ADAMTS10: variants seen among roughly 807,000 people sequenced by gnomAD.
ADAMTS10 encodes the protein A disintegrin and metalloproteinase with thrombospondin motifs 10.
In ADAMTS10, 48 loss-of-function variants were observed where a neutral mutation model predicts 135.9. The ratio of observed to expected loss-of-function variants is 0.35; its 90% confidence interval spans 0.28 to 0.45. The LOEUF (loss-of-function observed/expected upper bound fraction) is 0.45, where lower values mean the gene tolerates loss of function less well. Among genes scored for constraint, ADAMTS10 ranks in the 20% least tolerant of loss-of-function variants. ADAMTS10 has a pLI of 1.00. For synonymous variants in ADAMTS10, 621 were observed against 647.5 expected, an observed-to-expected ratio of 0.96 and a Z score of 0.62; for missense variants, 1,131 against 1,565.2, an observed-to-expected ratio of 0.72 and a Z score of 4.68.
At chr19:8,585,097 C>T in intron 24 of ADAMTS10, 35 bp downstream of exon 24, 1 of 1,489,496 alleles carries the variant, frequency 6.7e-7, no homozygotes, top group East Asian at 2.6e-5. Flanking sequence ...CAGCCCCTGC[C>T]CTGGCCCCCA....
Position 8,595,852 on chromosome 19 carries a change from C to T in ADAMTS10, c.1389G>A (p.Val463=). 6.2e-7 allele frequency: 1 copy of T among 1,614,222 alleles called. No individual in the cohort carries two copies. Among genetic ancestry groups the T allele is most frequent in the Non-Finnish European group, 8.5e-7 (1 of 1,180,044 alleles). ...LNNRPPRQDF[V]YPTVAPGQAY... Reference sequence around the variant, plus strand: ...CTTGGCCCGGTGCCACTGTCGGGTACACAAAGTCCTGTCTGGGGGGCCGGT... The same window carrying T: ...CTTGGCCCGGTGCCACTGTCGGGTATACAAAGTCCTGTCTGGGGGGCCGGT... The change falls in exon 12 of 26, where the codon GTG becomes GTA. Residue 463 remains valine (V), a synonymous_variant. Coordinates refer to ENST00000597188, the MANE Select transcript of ADAMTS10 (RefSeq NM_030957.4).
Position 8,592,762 on chromosome 19 carries a change from C to T in ADAMTS10, c.1587+1G>A. ...AGTTGGGGGCCCTGGCCGGCGCTCA[C>T]CCCCTTGTCGATGGTGTGCGTCTGG... On this transcript the variant is annotated splice_donor_variant, in intron 13 of 25. Transcript: ENST00000597188. LOFTEE classifies it high-confidence loss of function. The T allele has an allele frequency of 6.2e-7, 1 of 1,610,674 alleles. No homozygotes were observed. Among genetic ancestry groups the T allele is most frequent in the Non-Finnish European group, 8.5e-7 (1 of 1,179,630 alleles).
In ADAMTS10 at chr19:8,596,019, C is replaced by T; in HGVS notation, c.1337+54G>A. 6.2e-7 allele frequency: 1 copy of T among 1,613,904 alleles called. No homozygotes were observed. The highest frequency in any genetic ancestry group is 1.7e-5 in the Admixed American group (1 of 60,018). On this transcript the variant is annotated intron_variant, in intron 11 of 25. Coordinates refer to ENST00000597188, the MANE Select transcript of ADAMTS10 (RefSeq NM_030957.4). This position sits in a 1 kb window ranked among gnomAD's most constrained non-coding sequence, Gnocchi z 7.2. ...CTGATTTCTATCGTCTCCCGTGTAC[C>T]CTGCCCCACCATGAGTGTGACCCGC...
intron 13 of ADAMTS10, 75 bp downstream of exon 13, chr19:8,592,687 CA>C: frequency 7.1e-7 from 1 of 1,409,528 alleles, no homozygotes; most frequent in Non-Finnish European, 9.7e-7. Flanking sequence ...GGCCGAAGGA[CA>C]GGCGGGTAGG....
intron 12 of ADAMTS10, chr19:8,593,154 A>G: frequency 1.9e-6 from 1 of 516,426 alleles, no homozygotes; most frequent in Non-Finnish European, 3.5e-6. Flanking sequence ...AGCTTCAGAC[A>G]GGTAAGGTCA....
intron 25 of ADAMTS10, 70 bp downstream of exon 25, chr19:8,584,824 AC>A: frequency 6.5e-7 from 1 of 1,534,566 alleles, no homozygotes; most frequent in Non-Finnish European, 8.8e-7. Flanking sequence ...TGAAGTCAGG[AC>A]CCCCAATGCC....
chr19:8,589,749 AC>A, intron 16 of ADAMTS10, 139 bp downstream of exon 16: 1 of 1,404,194 alleles, frequency 7.1e-7, no homozygotes, highest in Non-Finnish European at 9.8e-7. Flanking sequence ...CCCCCATGGT[AC>A]CGTATCCCAG....
intron 12 of ADAMTS10, among the ~76,000 whole-genome samples, chr19:8,594,593 G>C (rs1444795857): frequency 2.0e-5 from 3 of 152,140 alleles, no homozygotes; most frequent in Non-Finnish European, 4.4e-5. Context: ...AGAGTCATGA[G>C]AGACCTGGAT....
chr19:8,585,253 G>T lies in ADAMTS10; in HGVS notation c.2921C>A (p.Ala974Glu), dbSNP rs2042410422. The change falls in exon 24 of 26, where the codon GCA becomes GAA. Residue 974 changes from alanine (A) to glutamate (E), a missense_variant. Ala to Glu is a moderately radical substitution (Grantham distance 107, BLOSUM62 -1). Coordinates refer to ENST00000597188, the MANE Select transcript of ADAMTS10 (RefSeq NM_030957.4). Reference protein sequence around the residue: ...LRHRVVLCKSADHRATLPPAH... With the variant: ...LRHRVVLCKSEDHRATLPPAH... ...CGGGGGCAGCGTGGCGCGGTGGTCT[G>T]CGCTCTTGCAAAGGACCACGCGGTG... 1 of 1,490,810 alleles carries T rather than the reference G, an allele frequency of 6.7e-7. No homozygotes were observed. Among genetic ancestry groups the T allele is most frequent in the Non-Finnish European group, 8.9e-7 (1 of 1,118,568 alleles). The allele number at this position is 1,490,810 out of a possible 1,614,324, so 92.3% of individuals were successfully genotyped here. A position where few individuals can be genotyped will look rare whatever the true frequency, so the allele number is the denominator to read the frequency against.
In ADAMTS10 at chr19:8,603,824, T is replaced by C. The variant is rs2042691831; in HGVS notation, c.496A>G (p.Lys166Glu). 3 of 1,614,036 alleles carry C rather than the reference T, an allele frequency of 1.9e-6. No homozygotes were observed. The highest frequency in any genetic ancestry group is 1.7e-6 in the Non-Finnish European group (2 of 1,180,006). ...YLIEPLHGGP[K>E]GSRSPEESGP... ...CTTTCCTCCGGGCTCCGAGAACCCT[T>C]GGGCCCACCGTGCAGGGGCTCAATC... Residue 166 changes from lysine (K) to glutamate (E), a missense_variant, in exon 5 of 26, where the codon AAG becomes GAG. Transcript: ENST00000597188.
intron 6 of ADAMTS10, among the ~76,000 whole-genome samples, chr19:8,597,812 T>TA (rs1248287288): frequency 2.6e-5 from 4 of 152,204 alleles, no homozygotes; most frequent in African/African-American, 9.6e-5. Flanking sequence ...ACTTAATTTT[T>TA]TTTTTTTTGA....
Position 8,589,167 on chromosome 19 carries a change from C to T in ADAMTS10, c.2158+75G>A, listed in dbSNP as rs2042481716. The stretch of plus-strand genomic sequence containing the variant: ...TCTGAGGAGTTAGTGATCTCAGCTA[C>T]TGCACTGGGATCAGTTCCACCTGCA... On this transcript the variant is annotated intron_variant, in intron 18 of 25. Transcript: ENST00000597188. The T allele has an allele frequency of 4.4e-6, 7 of 1,602,250 alleles. No homozygotes were observed. In the South Asian group the frequency reaches 5.5e-5, roughly 13 times the overall value.
rs2042545862 is a variant in ADAMTS10 at position 8,592,343 on chromosome 19, GACC to G, written c.1588-243_1588-241del. 16 of 754,568 alleles carry G rather than the reference GACC, an allele frequency of 2.1e-5. No individual in the cohort carries two copies. The South Asian group carries it at 3.0e-4, about 14-fold the overall frequency. The allele number at this position is 754,568 out of a possible 1,614,324, so 46.7% of individuals were successfully genotyped here. A position where few individuals can be genotyped will look rare whatever the true frequency, so the allele number is the denominator to read the frequency against. On this transcript the variant is annotated intron_variant, in intron 13 of 25. Transcript: ENST00000597188. ...GCTTAACGGGGAGGGGTGTAGACAG[GACC>G]ACGATAAGCGTGGAGACGAGGTGGG...
intron 25 of ADAMTS10, 66 bp from the exon 26 acceptor site, chr19:8,581,068 C>T: frequency 5.7e-6 from 6 of 1,058,900 alleles, no homozygotes; most frequent in Non-Finnish European, 8.5e-6. Context: ...GCTGCACACA[C>T]GACCTGCAGT....
At chr19:8,600,624 G>C (rs1327871442) in intron 6 of ADAMTS10, among the ~76,000 whole-genome samples, 1 of 150,614 alleles carries the variant, frequency 6.6e-6, no homozygotes, top group Non-Finnish European at 1.5e-5. Flanking sequence ...TCGGCCTCCC[G>C]AGTAGCTGGG....
Position 8,585,438 on chromosome 19 carries a change from A to G in ADAMTS10, c.2865+18T>C. Reference sequence around the variant, plus strand: ...CACCTGGGCATCCCAGTGGGCGCGAAGGAAGGGGGCGGCTGACCTCAGACC... The same window carrying G: ...CACCTGGGCATCCCAGTGGGCGCGAGGGAAGGGGGCGGCTGACCTCAGACC... On this transcript the variant is annotated intron_variant, in intron 23 of 25. Transcript: ENST00000597188. 1 of 1,537,496 alleles carries G rather than the reference A, an allele frequency of 6.5e-7. No individual in the cohort carries two copies. Among genetic ancestry groups the G allele is most frequent in the Non-Finnish European group, 8.8e-7 (1 of 1,142,410 alleles).
intron 2 of ADAMTS10, among the ~76,000 whole-genome samples, chr19:8,607,820 C>CT (rs1380858556): frequency 1.4e-5 from 2 of 145,262 alleles, no homozygotes; most frequent in Non-Finnish European, 3.0e-5. Flanking sequence ...CTCTCTCTCT[C>CT]TTTTTTTTTG....
intron 1 of ADAMTS10, among the ~76,000 whole-genome samples, chr19:8,609,013 G>A (rs1034213178): frequency 1.3e-4 from 20 of 151,288 alleles, no homozygotes. Flanking sequence ...GGTGGTGGGG[G>A]GACATGAACA....
intron 13 of ADAMTS10, among the ~76,000 whole-genome samples, chr19:8,592,514 G>A (rs2042550298): frequency 6.6e-6 from 1 of 151,906 alleles, no homozygotes. Flanking sequence ...TACACGGTGG[G>A]CGTGGCCAAC....
Sources: gnomAD v4.1 joint callset for allele counts (sites outside exome capture counted in the v4.1 genomes callset) on GRCh38, gnomAD v4.1.1 for gene constraint, Gnocchi (gnomAD v3.1) non-coding constraint, MANE v1.5 for transcripts, NCBI Gene and HGNC (gene_info 2026-07-23, HGNC 2026-07-21) for gene names.